STXBP4: variants seen among roughly 807,000 people sequenced by gnomAD.
STXBP4 encodes the protein syntaxin-binding protein 4.
In STXBP4, 55 loss-of-function variants were observed where a neutral mutation model predicts 76.1. That is an observed-to-expected ratio of 0.72 (90% CI 0.58 to 0.91). The LOEUF is 0.91. Among genes scored for constraint, STXBP4 ranks in the 40% least tolerant of loss-of-function variants. The probability of loss-of-function intolerance (pLI) is 0.00; values close to 1 mark genes in which losing one functional copy is unlikely to be tolerated. For missense variants in STXBP4, 618 were observed against 636.9 expected (o/e 0.97, Z 0.32); for synonymous variants, 201 against 220.2 (o/e 0.91, Z 0.77).
chr17:54,999,255 C>A, intron 4 of STXBP4, 90 bp from the exon 5 acceptor site: 1 of 1,032,760 alleles, frequency 9.7e-7, no homozygotes, highest in Non-Finnish European at 1.4e-6. Flanking sequence ...AGGCATTCTT[C>A]ACGAAAACTT....
rs1459782860 is a variant in STXBP4, at chr17:55,159,812, T to C, written c.1563T>C (p.Thr521=). The change falls in exon 18 of 18, where the codon ACT becomes ACC. Residue 521 remains threonine, a synonymous_variant. Coordinates refer to ENST00000376352, the MANE Select transcript of STXBP4 (RefSeq NM_178509.6). Reference sequence around the variant, plus strand: ...TCTTCTCAAGTCATGTAACACAGACTACATCCTGGATCCATCCCGTGATGA... The same window carrying C: ...TCTTCTCAAGTCATGTAACACAGACCACATCCTGGATCCATCCCGTGATGA... ...IKYFINHVTQ[T]TSWIHPVMSV... The C allele has an allele frequency of 6.2e-7, 1 of 1,611,584 alleles. No homozygotes were observed. Among genetic ancestry groups the C allele is most frequent in the East Asian group, 2.2e-5 (1 of 44,834 alleles).
chr17:54,997,780 G>A (rs1384172561), intron 4 of STXBP4, among the ~76,000 whole-genome samples: 3 of 144,924 alleles, frequency 2.1e-5, no homozygotes, highest in African/African-American at 5.1e-5. Context: ...GAAAGATGGG[G>A]TCTAACTATG....
At chr17:55,112,202 G>A (rs201899932) in intron 16 of STXBP4, among the ~76,000 whole-genome samples, 3 of 152,206 alleles carry the variant, frequency 2.0e-5, no homozygotes, top group East Asian at 3.9e-4. Context: ...TTATAGGCAT[G>A]AGCCACCATG....
intron 12 of STXBP4, among the ~76,000 whole-genome samples, chr17:55,052,885 TAAA>T (rs57404823): frequency 3.8e-4 from 40 of 104,018 alleles, no homozygotes; most frequent in Middle Eastern, 0.014. Flanking sequence ...AAGTTTTGTT[TAAA>T]AAAAAAAAAA....
chr17:55,185,233 TCTTCTTCTTCTTCTTCTC>T, the STXBP4 span, among the ~76,000 whole-genome samples: 3 of 46,010 alleles, frequency 6.5e-5, no homozygotes, highest in South Asian at 8.1e-4. Flanking sequence ...TTCTTCTTCT[TCTTCTTCTTCTTCTTCTC>T]CTTCTCCTTC....
chr17:55,136,326 A>T (rs927020091), intron 16 of STXBP4, among the ~76,000 whole-genome samples: 3 of 152,108 alleles, frequency 2.0e-5, no homozygotes, highest in Non-Finnish European at 4.4e-5. Context: ...TAAGAGATGG[A>T]TAGCCACAGT....
At position 55,007,605 on chromosome 17, in the gene STXBP4, C is replaced by G. The variant is rs1311906422; in HGVS notation, c.666+8C>G. ...GCAGAGAAACTGGAAATGGTAAAAC[C>G]TTTAAATTTTCATTTTTCTTCCATA... On this transcript the variant is annotated splice_region_variant and intron_variant, in intron 8 of 17. Coordinates refer to ENST00000376352, the MANE Select transcript of STXBP4 (RefSeq NM_178509.6). 4 of 1,591,028 alleles carry G rather than the reference C, an allele frequency of 2.5e-6. No individual in the cohort carries two copies.
At chr17:55,116,668 C>T (rs1200829755) in intron 16 of STXBP4, among the ~76,000 whole-genome samples, 1 of 151,608 alleles carries the variant, frequency 6.6e-6, no homozygotes, top group Non-Finnish European at 1.5e-5. Flanking sequence ...GCAGTTATAA[C>T]TGTCATATAA....
Position 55,171,421 on chromosome 17 carries a change from C to CTT in STXBP4, c.*11511_*11512dup, listed in dbSNP as rs776472945. 3.2e-4 allele frequency: 48 copies of CTT among 152,296 alleles called. No individual in the cohort carries two copies. Among genetic ancestry groups the CTT allele is most frequent in the Admixed American group, 1.8e-3 (27 of 15,300 alleles). The allele number at this position is 152,296 out of a possible 1,614,324, so 9.4% of individuals were successfully genotyped here. On this transcript the variant is annotated 3_prime_UTR_variant, in exon 18 of 18. Transcript: ENST00000376352. ...ACTAACTCCTTTAATTCTTATTTTG[C>CTT]TTAAGGCTGAGTTTTTAAAACATCT... is the stretch of plus-strand genomic sequence containing the variant.
intron 13 of STXBP4, 58 bp downstream of exon 13, chr17:55,073,134 C>T: frequency 6.5e-7 from 1 of 1,530,096 alleles, no homozygotes; most frequent in East Asian, 2.3e-5. Flanking sequence ...TGTCATGTAT[C>T]CTGTTTTCAT....
intron 16 of STXBP4, among the ~76,000 whole-genome samples, chr17:55,114,064 T>C (rs993477906): frequency 6.6e-6 from 1 of 152,106 alleles, no homozygotes; most frequent in African/African-American, 2.4e-5. Context: ...ATTGATCCTA[T>C]ACTCTTTCCA....
At chr17:55,210,880 C>T in the STXBP4 span, among the ~76,000 whole-genome samples, 2 of 152,122 alleles carry the variant, frequency 1.3e-5, no homozygotes, top group South Asian at 4.1e-4. Flanking sequence ...TATATAATAT[C>T]CCACCATAGT....
intron 8 of STXBP4, among the ~76,000 whole-genome samples, chr17:55,017,848 T>G (rs1374369301): frequency 6.6e-6 from 1 of 152,150 alleles, no homozygotes; most frequent in Non-Finnish European, 1.5e-5. Flanking sequence ...ACCTGAGTCT[T>G]AAGTCTGGCA....
At chr17:55,016,977 T>A (rs1354204495) in intron 8 of STXBP4, among the ~76,000 whole-genome samples, 1 of 152,200 alleles carries the variant, frequency 6.6e-6, no homozygotes, top group Non-Finnish European at 1.5e-5. Context: ...CGTGGGTTAC[T>A]GGGTTAAGGA....
At chr17:55,065,573 A>G (rs1343464563) in intron 12 of STXBP4, among the ~76,000 whole-genome samples, 1 of 152,032 alleles carries the variant, frequency 6.6e-6, no homozygotes, top group Non-Finnish European at 1.5e-5. Flanking sequence ...TTCCAATACT[A>G]TAAATTTTCC....
At chr17:55,114,940 T>G (rs1017652983) in intron 16 of STXBP4, among the ~76,000 whole-genome samples, 1 of 151,972 alleles carries the variant, frequency 6.6e-6, no homozygotes, top group Non-Finnish European at 1.5e-5. Context: ...AAAAAATAAT[T>G]GAAGTACATA....
the STXBP4 span, among the ~76,000 whole-genome samples, chr17:55,211,896 C>T: frequency 7.4e-5 from 11 of 148,038 alleles, no homozygotes; most frequent in East Asian, 1.2e-3. Context: ...CTGCAACCTC[C>T]GCCTCCTGGG....
intron 2 of STXBP4, among the ~76,000 whole-genome samples, 177 bp downstream of exon 2, chr17:54,985,868 C>G (rs1474401567): frequency 6.6e-6 from 1 of 152,056 alleles, no homozygotes; most frequent in Non-Finnish European, 1.5e-5. Flanking sequence ...GCTGTATGTT[C>G]ACTTTTGCCA....
intron 12 of STXBP4, among the ~76,000 whole-genome samples, chr17:55,050,505 C>T (rs1441809925): frequency 6.6e-6 from 1 of 151,840 alleles, no homozygotes; most frequent in Non-Finnish European, 1.5e-5. Context: ...GAGGACATCC[C>T]CCAATAAAAA....
Sources: allele counts gnomAD v4.1 joint callset (sites outside exome capture counted in the v4.1 genomes callset), GRCh38; gene constraint gnomAD v4.1.1; transcripts MANE v1.5; gene names NCBI Gene and HGNC (gene_info 2026-07-23, HGNC 2026-07-21).